The following LY86 variants were observed in gnomAD, a reference collection of about 807,000 sequenced individuals.
The protein encoded by LY86 is MD-1, RP105-associated.
Under a neutral mutation model 17.3 loss-of-function variants are expected in LY86, and 20 were observed. The ratio of observed to expected loss-of-function variants is 1.15; its 90% confidence interval spans 0.81 to 1.68. The LOEUF is 1.68. Ranked by LOEUF, LY86 falls within the 40% of genes most tolerant of loss-of-function variation. LY86 has a pLI of 0.00. For missense variants in LY86, 200 were observed against 191.9 expected, an observed-to-expected ratio of 1.04 and a Z score of -0.25; for synonymous variants, 74 against 70.6, an observed-to-expected ratio of 1.05 and a Z score of -0.24.
intron 1 of LY86, among the ~76,000 whole-genome samples, chr6:6,614,399 G>A (rs1183951968): frequency 2.1e-5 from 3 of 144,978 alleles, no homozygotes; most frequent in African/African-American, 7.8e-5. Context: ...TTTTATTTGA[G>A]TGTATGCTTG....
At chr6:6,598,729 G>A in intron 1 of LY86, among the ~76,000 whole-genome samples, 1 of 147,656 alleles carries the variant, frequency 6.8e-6, no homozygotes, top group East Asian at 2.0e-4. Context: ...TGGCCTACAG[G>A]CATCATTGGA....
intron 1 of LY86, among the ~76,000 whole-genome samples, chr6:6,612,289 G>T (rs550125737): frequency 6.6e-5 from 10 of 152,294 alleles, no homozygotes; most frequent in African/African-American, 2.2e-4. Flanking sequence ...TCTTTCTCGT[G>T]GGTTAGTGGC....
At chr6:6,622,829 A>AT (rs1761710254) in intron 1 of LY86, 1 of 152,202 alleles carries the variant, frequency 6.6e-6, no homozygotes, top group South Asian at 2.1e-4. Flanking sequence ...CTGCACACAA[A>AT]ATATTCTGGG....
chr6:6,641,288 A>C (rs1023555561), intron 3 of LY86, among the ~76,000 whole-genome samples: 3 of 152,254 alleles, frequency 2.0e-5, no homozygotes, highest in African/African-American at 7.2e-5. Context: ...AACTTGATTT[A>C]TTATAGGTTA....
At chr6:6,589,270 G>C (rs1351918152) in intron 1 of LY86, among the ~76,000 whole-genome samples, 3 of 152,152 alleles carry the variant, frequency 2.0e-5, no homozygotes, top group Non-Finnish European at 4.4e-5. Context: ...CTTTCCATCT[G>C]ATGTACTTTG....
chr6:6,604,984 T>C (rs1455820821), intron 1 of LY86, among the ~76,000 whole-genome samples: 1 of 152,060 alleles, frequency 6.6e-6, no homozygotes, highest in Non-Finnish European at 1.5e-5. Flanking sequence ...GCTACAATTC[T>C]ACATACAGTA....
At chr6:6,589,095 CAAGA>C (rs1760446851) in intron 1 of LY86, among the ~76,000 whole-genome samples, 1 of 152,122 alleles carries the variant, frequency 6.6e-6, no homozygotes, top group Non-Finnish European at 1.5e-5. Flanking sequence ...ACAAAGAGTA[CAAGA>C]AAGAGAAATT....
chr6:6,641,174 G>A (rs1762034415), intron 3 of LY86, among the ~76,000 whole-genome samples: 1 of 152,222 alleles, frequency 6.6e-6, no homozygotes, highest in Non-Finnish European at 1.5e-5. Flanking sequence ...TAGAAATAAA[G>A]TTGAGCAAGT....
chr6:6,615,089 T>G (rs1761522357), intron 1 of LY86, among the ~76,000 whole-genome samples: 1 of 152,190 alleles, frequency 6.6e-6, no homozygotes, highest in African/African-American at 2.4e-5. Context: ...AGACGTAGGA[T>G]CTCACGTTTA....
chr6:6,613,628 C>T (rs1261049128), intron 1 of LY86, among the ~76,000 whole-genome samples: 1 of 152,248 alleles, frequency 6.6e-6, no homozygotes, highest in African/African-American at 2.4e-5. Flanking sequence ...CTGCGCTTCC[C>T]CCTTCATATC....
intron 1 of LY86, among the ~76,000 whole-genome samples, chr6:6,590,526 A>G (rs898338562): frequency 6.6e-6 from 1 of 152,000 alleles, no homozygotes; most frequent in African/African-American, 2.4e-5. Flanking sequence ...GCTGTACTGT[A>G]CTGGGGGTTG....
intron 1 of LY86, among the ~76,000 whole-genome samples, chr6:6,612,041 G>C (rs528893162): frequency 2.8e-5 from 4 of 140,860 alleles, no homozygotes; most frequent in African/African-American, 7.9e-5. Context: ...TATTAGGAGA[G>C]AGCAAATTGA....
chr6:6,624,374 A>AATGGGATGGGATGCGATGGG (rs1761741011), intron 1 of LY86, among the ~76,000 whole-genome samples: 1 of 101,726 alleles, frequency 9.8e-6, no homozygotes, highest in African/African-American at 4.4e-5. Flanking sequence ...CATTACATTA[A>AATGGGATGGGATGCGATGGG]ATGGGATGGG....
chr6:6,603,621 A>AAAAAAC, intron 1 of LY86, among the ~76,000 whole-genome samples: 1 of 137,398 alleles, frequency 7.3e-6, no homozygotes, highest in African/African-American at 2.6e-5. Context: ...AAAACAAACA[A>AAAAAAC]AAAAAAACAA....
At chr6:6,612,407 G>C (rs536861413) in intron 1 of LY86, among the ~76,000 whole-genome samples, 3 of 152,162 alleles carry the variant, frequency 2.0e-5, no homozygotes, top group Non-Finnish European at 4.4e-5. Context: ...TGGGTACCTA[G>C]TCTCACTGGC....
chr6:6,624,703 C>G (rs775602921), intron 1 of LY86, among the ~76,000 whole-genome samples: 7 of 152,100 alleles, frequency 4.6e-5, no homozygotes, highest in Non-Finnish European at 1.0e-4. Context: ...CCTGTTTATT[C>G]CATGGATGGA....
At chr6:6,631,685 G>T (rs1026718077) in intron 3 of LY86, among the ~76,000 whole-genome samples, 3 of 152,174 alleles carry the variant, frequency 2.0e-5, no homozygotes, top group African/African-American at 7.2e-5. Context: ...CCATGTGTTG[G>T]CAAACTTTCT....
chr6:6,614,799 G>A (rs1761512064), intron 1 of LY86, among the ~76,000 whole-genome samples: 1 of 152,006 alleles, frequency 6.6e-6, no homozygotes, highest in Non-Finnish European at 1.5e-5. Context: ...GCAGGGCCGT[G>A]CCTTTCTTGA....
chr6:6,590,605 C>G (rs1760494400), intron 1 of LY86, among the ~76,000 whole-genome samples: 1 of 152,110 alleles, frequency 6.6e-6, no homozygotes. Context: ...GGGAGCAACT[C>G]AGGAGCCCAG....
Sources: gnomAD v4.1 joint callset for allele counts (sites outside exome capture counted in the v4.1 genomes callset) on GRCh38, gnomAD v4.1.1 for gene constraint, MANE v1.5 for transcripts, NCBI Gene and HGNC (gene_info 2026-07-23, HGNC 2026-07-21) for gene names.